GRIA2: variants seen among roughly 807,000 people sequenced by gnomAD.
The protein encoded by GRIA2 is glutamate receptor 2.
In GRIA2, 14 loss-of-function variants were observed where a neutral mutation model predicts 97.3. The observed-to-expected ratio is 0.14, with a 90% CI of 0.10 to 0.23. The LOEUF is 0.23. Among genes scored for constraint, GRIA2 ranks in the 10% least tolerant of loss-of-function variants. The pLI, the probability that GRIA2 is intolerant of heterozygous loss-of-function variation, is 1.00. For missense variants in GRIA2, 558 were observed against 1,069.8 expected (o/e 0.52, Z 6.67); for synonymous variants, 412 against 387.8 (o/e 1.06, Z -0.73).
At chr4:157,335,900 A>G (rs1382985555) in intron 10 of GRIA2, 23 bp downstream of exon 10, 2 of 1,433,558 alleles carry the variant, frequency 1.4e-6, no homozygotes, top group Non-Finnish European at 2.0e-6. Flanking sequence ...CTTCTCATAG[A>G]TAAAGTCATT....
intron 2 of GRIA2, among the ~76,000 whole-genome samples, chr4:157,231,443 C>T (rs886804116): frequency 3.9e-5 from 6 of 152,142 alleles, no homozygotes; most frequent in African/African-American, 1.2e-4. Flanking sequence ...TCCCAAAGCA[C>T]TGAGATTACA....
intron 14 of GRIA2, chr4:157,362,362 G>T (rs1453127988): frequency 2.2e-6 from 1 of 456,442 alleles, no homozygotes; most frequent in Non-Finnish European, 4.4e-6. Context: ...CAGTAACATG[G>T]TCAACATTTA....
chr4:157,260,489 T>C (rs1731481387), intron 2 of GRIA2, among the ~76,000 whole-genome samples: 1 of 151,990 alleles, frequency 6.6e-6, no homozygotes, highest in Non-Finnish European at 1.5e-5. Flanking sequence ...TAGCACCAAG[T>C]CCCCAATCCT....
At chr4:157,315,884 A>C (rs1037844200) in intron 4 of GRIA2, among the ~76,000 whole-genome samples, 6 of 152,208 alleles carry the variant, frequency 3.9e-5, no homozygotes, top group African/African-American at 1.4e-4. Context: ...AGTTATTATT[A>C]GGTGGTAAAA....
rs755984226 is a variant in GRIA2, at chr4:157,336,392, A to G, written c.1489A>G (p.Ile497Val). Residue 497 changes from isoleucine to valine, a missense_variant, in exon 11 of 16, where the codon ATT (isoleucine) becomes GTT (valine). Ile to Val is a conservative substitution (Grantham distance 29). Coordinates refer to ENST00000264426, the MANE Select transcript of GRIA2 (RefSeq NM_001083619.3). Reference protein sequence around the residue: ...ELVYGKADIAIAPLTITLVRE... With the variant: ...ELVYGKADIAVAPLTITLVRE... ...TCCCTTACAGAAAGCTGATATTGCA[A>G]TTGCTCCATTAACTATTACCCTTGT... The G allele has an allele frequency of 3.5e-5, 54 of 1,552,934 alleles. No individual in the cohort carries two copies. Among genetic ancestry groups the G allele is most frequent in the Non-Finnish European group, 4.2e-5 (48 of 1,151,864 alleles).
intron 12 of GRIA2, chr4:157,342,341 T>C: frequency 4.1e-6 from 4 of 985,236 alleles, no homozygotes; most frequent in Non-Finnish European, 4.8e-6. Flanking sequence ...TGATCTCTTT[T>C]CTGAATAACT....
chr4:157,341,598 T>C (rs1231782830), intron 12 of GRIA2, 136 bp downstream of exon 12: 12 of 642,754 alleles, frequency 1.9e-5, no homozygotes, highest in Non-Finnish European at 3.0e-5. Context: ...TGACTTTGTC[T>C]CTGTTTCTGA....
chr4:157,325,185 A>G (rs939409938), intron 6 of GRIA2, among the ~76,000 whole-genome samples: 1 of 152,186 alleles, frequency 6.6e-6, no homozygotes, highest in Middle Eastern at 3.2e-3. Context: ...ATCAGCTTCC[A>G]AAGTTTTCAA....
intron 2 of GRIA2, among the ~76,000 whole-genome samples, chr4:157,274,668 T>C (rs62331530): frequency 0.36 from 54,039 of 150,742 alleles, 10,197 homozygotes; most frequent in African/African-American, 0.47. Flanking sequence ...GTTTCCAGCT[T>C]CATCCATGTC....
At chr4:157,296,400 T>A (rs1204835503) in intron 2 of GRIA2, among the ~76,000 whole-genome samples, 1 of 152,290 alleles carries the variant, frequency 6.6e-6, no homozygotes, top group East Asian at 1.9e-4. Context: ...GTTCTGATTG[T>A]ATGTTCATTT....
At chr4:157,316,928 C>T (rs1734350300) in intron 4 of GRIA2, among the ~76,000 whole-genome samples, 1 of 152,174 alleles carries the variant, frequency 6.6e-6, no homozygotes, top group Admixed American at 6.5e-5. Context: ...ATTCAAAAGT[C>T]AAATTGATCA....
At chr4:157,341,529 C>T (rs1051566358) in intron 12 of GRIA2, 67 bp downstream of exon 12, 6 of 1,066,514 alleles carry the variant, frequency 5.6e-6, no homozygotes, top group Non-Finnish European at 8.7e-6. Context: ...ACTTTGTTTC[C>T]CTCCCATAGT....
At position 157,288,188 on chromosome 4, in the gene GRIA2, T is replaced by C. The variant is rs143178268; in HGVS notation, c.230-15364T>C. Reference sequence around the variant, plus strand: ...TTGTACTAATAAACTTGAATGTTGTTGAATGGTGCAAGGAGTCACCAATAA... The same window carrying C: ...TTGTACTAATAAACTTGAATGTTGTCGAATGGTGCAAGGAGTCACCAATAA... On this transcript the variant is annotated intron_variant, in intron 2 of 15. Transcript: ENST00000264426. Among the ~76,000 whole-genome samples the C allele has an allele frequency of 6.9e-4, 104 of 151,778 alleles. 1 individual carries two copies. Among genetic ancestry groups the C allele is most frequent in the African/African-American group, 2.4e-3 (99 of 41,476 alleles).
At position 157,312,825 on chromosome 4, in the gene GRIA2, C is replaced by T. The variant is rs1359410555; in HGVS notation, c.616C>T (p.Arg206Cys). 6.2e-6 allele frequency: 10 copies of T among 1,611,002 alleles called. No individual in the cohort carries two copies. The highest frequency in any genetic ancestry group is 1.1e-5 in the South Asian group (1 of 90,856). ...AGATCTGGAGTTAAAAAAGGAACGG[C>T]GTGTAATTCTGGACTGTGAAAGGGA... The part of the protein sequence containing the change: ...FQDLELKKER[R>C]VILDCERDKV... Residue 206 changes from arginine to cysteine, a missense_variant, in exon 4 of 16, where the codon CGT becomes TGT. By Grantham distance (180) the Arg-to-Cys change is radical. This residue lies in a region of GRIA2 where 173 missense variants were observed against 209.1 expected (regional missense o/e 0.83). Coordinates refer to ENST00000264426, the MANE Select transcript of GRIA2 (RefSeq NM_001083619.3).
At chr4:157,279,685 T>A (rs2126811066) in intron 2 of GRIA2, among the ~76,000 whole-genome samples, 1 of 152,300 alleles carries the variant, frequency 6.6e-6, no homozygotes, top group Admixed American at 6.5e-5. Flanking sequence ...TTTAATCCAA[T>A]GTTTATTCAC....
At chr4:157,302,303 G>A (rs182585795) in intron 2 of GRIA2, among the ~76,000 whole-genome samples, 61 of 151,966 alleles carry the variant, frequency 4.0e-4, no homozygotes, top group African/African-American at 1.3e-3. Flanking sequence ...CCTTTTTCTC[G>A]AAAAGATATT....
chr4:157,345,810 C>T (rs1735740838), intron 12 of GRIA2, among the ~76,000 whole-genome samples: 1 of 151,966 alleles, frequency 6.6e-6, no homozygotes, highest in African/African-American at 2.4e-5. Context: ...ATATGGTCTA[C>T]TTTGTTGATA....
At chr4:157,226,309 T>A (rs893237965) in intron 2 of GRIA2, among the ~76,000 whole-genome samples, 2 of 152,046 alleles carry the variant, frequency 1.3e-5, no homozygotes, top group Non-Finnish European at 2.9e-5. Flanking sequence ...TAAAACATTG[T>A]AAAGAAATTT....
intron 3 of GRIA2, among the ~76,000 whole-genome samples, chr4:157,311,550 T>C (rs2126883492): frequency 6.6e-6 from 1 of 152,174 alleles, no homozygotes; most frequent in East Asian, 1.9e-4. Flanking sequence ...GATAATTGAC[T>C]CTTTTTCATA....
Sources: allele counts gnomAD v4.1 joint callset (sites outside exome capture counted in the v4.1 genomes callset), GRCh38; gene constraint gnomAD v4.1.1; regional missense constraint gnomAD v4.1.1; transcripts MANE v1.5; gene names NCBI Gene and HGNC (gene_info 2026-07-23, HGNC 2026-07-21).